Variants in ZNF462 observed in about 807,000 individuals in gnomAD.
ZNF462 encodes zinc finger protein 462, also known as zinc finger PBX1-interacting protein.
A neutral mutation model predicts 201.9 loss-of-function variants in ZNF462; 10 were observed. The observed-to-expected ratio is 0.05, with a 90% CI of 0.03 to 0.08. The LOEUF is 0.08. Ranked by LOEUF, ZNF462 falls within the 10% of genes least tolerant of loss-of-function variation. The pLI is 1.00. For missense variants in ZNF462, 2,523 were observed against 3,168.3 expected (o/e 0.80, Z 4.89); for synonymous variants, 1,227 against 1,193.3 (o/e 1.03, Z -0.58).
Position 106,924,031 on chromosome 9 carries a change from G to A in ZNF462, c.221-102G>A, listed in dbSNP as rs771316649. On this transcript the variant is annotated intron_variant, in intron 2 of 12. Coordinates refer to ENST00000277225, the MANE Select transcript of ZNF462 (RefSeq NM_021224.6). This position sits in a 1 kb window ranked among gnomAD's most constrained non-coding sequence, Gnocchi z 6.2. Reference sequence around the variant, plus strand: ...TCTTGAGACTTCAGGCCTTTTGCATGTGATGTTTAGTAATGAAGAATAATT... The same window carrying A: ...TCTTGAGACTTCAGGCCTTTTGCATATGATGTTTAGTAATGAAGAATAATT... The A allele has an allele frequency of 3.1e-5, 31 of 1,010,520 alleles. No homozygotes were observed. Among genetic ancestry groups the A allele is most frequent in the Admixed American group, 1.7e-4 (6 of 36,174 alleles). 62.6% of individuals were successfully genotyped at this position (1,010,520 alleles called of 1,614,324 possible).
chr9:106,911,901 T>C (rs540581603), intron 1 of ZNF462, among the ~76,000 whole-genome samples: 88 of 152,276 alleles, frequency 5.8e-4, no homozygotes, highest in Admixed American at 2.0e-3. Context: ...TAAAGATAAA[T>C]TAATATATTA....
intron 1 of ZNF462, among the ~76,000 whole-genome samples, chr9:106,873,063 T>C (rs1010214239): frequency 6.6e-6 from 1 of 152,218 alleles, no homozygotes; most frequent in African/African-American, 2.4e-5. Flanking sequence ...TCTCAGCTGA[T>C]GGGACCCGGC....
Position 106,935,405 on chromosome 9 carries a change from G to A in ZNF462, c.6117-98G>A, listed in dbSNP as rs1474536343. 16 of 975,566 alleles carry A rather than the reference G, an allele frequency of 1.6e-5. No homozygotes were observed. The highest frequency in any genetic ancestry group is 8.1e-5 in the African/African-American group (5 of 61,818). 60.4% of individuals were successfully genotyped at this position (975,566 alleles called of 1,614,324 possible). On this transcript the variant is annotated intron_variant, in intron 5 of 12. Transcript: ENST00000277225. This position sits in a 1 kb window ranked among gnomAD's most constrained non-coding sequence, Gnocchi z 4.1. ...GAAAGTAAACAAAAGGACTTTGAACGACCTAGAAGTAGGATTCCTGGAAAA... is the reference window on the plus strand; with the variant it reads ...GAAAGTAAACAAAAGGACTTTGAACAACCTAGAAGTAGGATTCCTGGAAAA...
chr9:106,923,329 T>A lies in ZNF462; in HGVS notation c.-30-25T>A. 1.3e-6 allele frequency: 2 copies of A among 1,558,838 alleles called. No individual in the cohort carries two copies. The highest frequency in any genetic ancestry group is 1.8e-6 in the Non-Finnish European group (2 of 1,131,146). ...TATGTGATTAGTGCATTCCTTAAGA[T>A]GTTTTGTTCTGACTTCTGCCACAGG... On this transcript the variant is annotated intron_variant, in intron 1 of 12. Coordinates refer to ENST00000277225, the MANE Select transcript of ZNF462 (RefSeq NM_021224.6). This position sits in a 1 kb window ranked among gnomAD's most constrained non-coding sequence, Gnocchi z 5.6.
intron 4 of ZNF462, among the ~76,000 whole-genome samples, chr9:106,931,792 G>A (rs1342488871): frequency 6.6e-6 from 1 of 152,196 alleles, no homozygotes; most frequent in Non-Finnish European, 1.5e-5. Context: ...TACAGGGTAG[G>A]GGGCAGACAG....
At position 106,883,920 on chromosome 9, in the gene ZNF462, A is replaced by G. The variant is rs1828208437; in HGVS notation, c.-31+20565A>G. 6.6e-6 allele frequency among the ~76,000 whole-genome samples: 1 copy of G among 152,156 alleles called. No individual in the cohort carries two copies. The highest frequency in any genetic ancestry group is 1.5e-5 in the Non-Finnish European group (1 of 68,036). ...GTAGGTCTAGTCTGCTAATTGCTGG[A>G]TATTTGGGTGGCAATAGAGGAAGCT... On this transcript the variant is annotated intron_variant, in intron 1 of 12. Coordinates refer to ENST00000277225, the MANE Select transcript of ZNF462 (RefSeq NM_021224.6). The surrounding 1 kb of genome is among the most constrained non-coding windows in gnomAD (Gnocchi z 4.9).
intron 1 of ZNF462, among the ~76,000 whole-genome samples, chr9:106,871,590 G>A (rs1225578723): frequency 1.3e-5 from 2 of 152,188 alleles, no homozygotes; most frequent in Non-Finnish European, 2.9e-5. Flanking sequence ...CCTAACACAT[G>A]TGAAATATGA....
In ZNF462 at chr9:106,929,127, A is replaced by G. The variant is rs776538513; in HGVS notation, c.5215A>G (p.Lys1739Glu). The change falls in exon 3 of 13, where the codon AAG becomes GAG. Residue 1739 changes from lysine to glutamate, a missense_variant. By Grantham distance (56) the Lys-to-Glu change is moderately conservative. Coordinates refer to ENST00000277225, the MANE Select transcript of ZNF462 (RefSeq NM_021224.6). This position sits in a 1 kb window ranked among gnomAD's most constrained non-coding sequence, Gnocchi z 8.7. ...CLAASRTISD[K>E]PNKVIIPSPP... ...GGCAGCCTCCAGGACCATCAGCGAC[A>G]AGCCCAACAAAGTGATCATCCCATC... The G allele has an allele frequency of 1.2e-6, 2 of 1,614,006 alleles. No individual in the cohort carries two copies. The highest frequency in any genetic ancestry group is 1.7e-6 in the Non-Finnish European group (2 of 1,180,038).
intron 1 of ZNF462, among the ~76,000 whole-genome samples, chr9:106,909,974 C>T (rs1347759459): frequency 2.6e-5 from 4 of 152,046 alleles, no homozygotes; most frequent in Admixed American, 2.6e-4. Flanking sequence ...TCTGTATGTT[C>T]GATCTGTTTT....
Position 106,974,485 on chromosome 9 carries a change from AG to A in ZNF462, c.6832+214del. The A allele has an allele frequency of 1.5e-6, 1 of 677,508 alleles. No individual in the cohort carries two copies. Among genetic ancestry groups the A allele is most frequent in the East Asian group, 2.8e-5 (1 of 35,622 alleles). 42.0% of individuals were successfully genotyped at this position (677,508 alleles called of 1,614,324 possible). A position where few individuals can be genotyped will look rare whatever the true frequency, so the allele number is the denominator to read the frequency against. On this transcript the variant is annotated intron_variant, in intron 9 of 12. Transcript: ENST00000277225. This position sits in a 1 kb window ranked among gnomAD's most constrained non-coding sequence, Gnocchi z 4.0. ...ATTTCCTCCACCTGGAGGGAGGCAA[AG>A]GTGATGGATTCTGCAGTGAACATTT...
At position 106,984,697 on chromosome 9, in the gene ZNF462, T is replaced by C. The variant is rs1008213584; in HGVS notation, c.7056+288T>C. Among the ~76,000 whole-genome samples, 1 of 152,226 alleles carries C rather than the reference T, an allele frequency of 6.6e-6. No individual in the cohort carries two copies. Among genetic ancestry groups the C allele is most frequent in the Admixed American group, 6.5e-5 (1 of 15,280 alleles). On this transcript the variant is annotated intron_variant, in intron 10 of 12. Coordinates refer to ENST00000277225, the MANE Select transcript of ZNF462 (RefSeq NM_021224.6). This position sits in a 1 kb window ranked among gnomAD's most constrained non-coding sequence, Gnocchi z 6.4. ...ACCCACTTTCATTTGTTTTACGTAA[T>C]TGTGATTATACTATACATAAAACAT... is the stretch of plus-strand genomic sequence containing the variant.
rs760730388 is a variant in ZNF462 at position 106,981,867 on chromosome 9, GTTC to G, written c.6833-2312_6833-2310del. Among the ~76,000 whole-genome samples the G allele has an allele frequency of 1.1e-4, 17 of 152,338 alleles. No homozygotes were observed. Among genetic ancestry groups the G allele is most frequent in the Middle Eastern group, 6.8e-3 (2 of 294 alleles). On this transcript the variant is annotated intron_variant, in intron 9 of 12. Transcript: ENST00000277225. This position sits in a 1 kb window ranked among gnomAD's most constrained non-coding sequence, Gnocchi z 4.0. ...ATTATATGAAAAATGATACCGGGCT[GTTC>G]TTCTTCACCGTAGAGGTCAACGGAA...
Position 106,924,487 on chromosome 9 carries a change from C to G in ZNF462, c.575C>G (p.Thr192Ser). 6.2e-7 allele frequency: 1 copy of G among 1,614,140 alleles called. No individual in the cohort carries two copies. The highest frequency in any genetic ancestry group is 8.5e-7 in the Non-Finnish European group (1 of 1,180,024). Residue 192 changes from threonine to serine, a missense_variant, in exon 3 of 13, where the codon ACC (threonine) becomes AGC (serine). Thr to Ser is a moderately conservative substitution (Grantham distance 58). Around this residue, in one of 15 missense-constraint regions of ZNF462, gnomAD observed 480 missense variants for 544.4 expected, o/e 0.88. Coordinates refer to ENST00000277225, the MANE Select transcript of ZNF462 (RefSeq NM_021224.6). This position sits in a 1 kb window ranked among gnomAD's most constrained non-coding sequence, Gnocchi z 6.2. ...TATCACAAAAACAATTTGAAGGAGA[C>G]CACTGCTCCCCCACCTGCTCCTGCT... ...KMYHKNNLKETTAPPPAPAPM... is the reference protein window; with the variant it reads ...KMYHKNNLKESTAPPPAPAPM...
chr9:106,891,662 C>T (rs937989026), intron 1 of ZNF462, among the ~76,000 whole-genome samples: 6 of 152,280 alleles, frequency 3.9e-5, no homozygotes, highest in East Asian at 3.9e-4. Flanking sequence ...CACATCTGAA[C>T]GTGAAATCAC....
intron 1 of ZNF462, among the ~76,000 whole-genome samples, chr9:106,878,259 A>G (rs1009574139): frequency 1.3e-5 from 2 of 152,314 alleles, no homozygotes; most frequent in South Asian, 2.1e-4. Flanking sequence ...TAATGTATGT[A>G]AAGCATTCAG....
rs1830133267 is a variant in ZNF462, at chr9:106,924,992, A to G, written c.1080A>G (p.Thr360=). The G allele has an allele frequency of 6.2e-7, 1 of 1,614,238 alleles. No homozygotes were observed. The change falls in exon 3 of 13, where the codon ACA becomes ACG. Residue 360 remains threonine (T), a synonymous_variant. Coordinates refer to ENST00000277225, the MANE Select transcript of ZNF462 (RefSeq NM_021224.6). The surrounding 1 kb of genome is among the most constrained non-coding windows in gnomAD (Gnocchi z 6.2). ...SPHNSGLVNL[T]ERSRYGMTDM... Reference sequence around the variant, plus strand: ...ACAATTCTGGTCTAGTTAACTTGACAGAGAGATCCCGTTATGGAATGACTG... The same window carrying G: ...ACAATTCTGGTCTAGTTAACTTGACGGAGAGATCCCGTTATGGAATGACTG...
intron 10 of ZNF462, among the ~76,000 whole-genome samples, chr9:106,992,973 C>T (rs912600920): frequency 2.0e-5 from 3 of 152,050 alleles, no homozygotes; most frequent in Non-Finnish European, 4.4e-5. Flanking sequence ...ACTCAAGATC[C>T]GGATTAATGT....
intron 1 of ZNF462, among the ~76,000 whole-genome samples, chr9:106,888,208 A>AT (rs11388218): frequency 0.024 from 3,660 of 151,974 alleles, 151 homozygotes; most frequent in African/African-American, 0.083. Flanking sequence ...CGCCCGGCTA[A>AT]TTTTTTGTAT....
At chr9:107,004,299 A>G (rs1329325841) in intron 11 of ZNF462, among the ~76,000 whole-genome samples, 5 of 152,216 alleles carry the variant, frequency 3.3e-5, no homozygotes, top group Admixed American at 2.6e-4. Flanking sequence ...ACTAGTTGCC[A>G]TTACTGAGCA....
Sources: allele counts gnomAD v4.1 joint callset (sites outside exome capture counted in the v4.1 genomes callset), GRCh38; gene constraint gnomAD v4.1.1; regional missense constraint gnomAD v4.1.1; non-coding constraint Gnocchi (gnomAD v3.1); transcripts MANE v1.5; gene names NCBI Gene and HGNC (gene_info 2026-07-23, HGNC 2026-07-21).